RAD54L2: variants seen among roughly 807,000 people sequenced by gnomAD.
The protein encoded by RAD54L2 is helicase ARIP4.
In RAD54L2, 27 loss-of-function variants were observed where a neutral mutation model predicts 138.4. The ratio of observed to expected loss-of-function variants is 0.20; its 90% CI spans 0.14 to 0.27. The LOEUF (loss-of-function observed/expected upper bound fraction) is 0.27, where lower values mean the gene tolerates loss of function less well. Among genes scored for constraint, RAD54L2 ranks in the 10% least tolerant of loss-of-function variants. The pLI is 1.00. For synonymous variants in RAD54L2, 644 were observed against 723.2 expected, an observed-to-expected ratio of 0.89 and a Z score of 1.76; for missense variants, 1,396 against 1,890.2, an observed-to-expected ratio of 0.74 and a Z score of 4.85.
chr3:51,622,651 A>T (rs961482646), intron 3 of RAD54L2, among the ~76,000 whole-genome samples: 1 of 152,182 alleles, frequency 6.6e-6, no homozygotes, highest in Non-Finnish European at 1.5e-5. Flanking sequence ...TAATCACATT[A>T]GTCTCCCATG....
rs542975211 is a variant in RAD54L2, at chr3:51,607,829, G to A, written c.139+17270G>A. ...CAGAGGGGCTCCTCACCTCCCAGAC[G>A]GGGCGGCTGGGCAGAGGCGCCCCCC... On this transcript the variant is annotated intron_variant, in intron 3 of 22. Transcript: ENST00000684192. 4.9e-4 allele frequency among the ~76,000 whole-genome samples: 74 copies of A among 150,972 alleles called. 1 individual carries two copies. The highest frequency in any genetic ancestry group is 1.7e-3 in the African/African-American group (70 of 41,120).
At position 51,610,122 on chromosome 3, in the gene RAD54L2, C is replaced by T. The variant is rs1235503756; in HGVS notation, c.140-17431C>T. On this transcript the variant is annotated intron_variant, in intron 3 of 22. Coordinates refer to ENST00000684192, the MANE Select transcript of RAD54L2 (RefSeq NM_015106.4). ...CTGCACTCCAGCCTGGGCAACAGAG[C>T]GAGACTCCATCTCAAAATAAATACA... 3.3e-5 allele frequency among the ~76,000 whole-genome samples: 5 copies of T among 151,214 alleles called. No individual in the cohort carries two copies. In the South Asian group the frequency reaches 6.3e-4, roughly 19 times the overall value.
At position 51,666,880 on chromosome 3, in the gene RAD54L2, C is replaced by T. The variant is rs1470975493; in HGVS notation, c.*3460C>T. 6.6e-6 allele frequency: 1 copy of T among 152,090 alleles called. No individual in the cohort carries two copies. Among genetic ancestry groups the T allele is most frequent in the African/African-American group, 2.4e-5 (1 of 41,380 alleles). 9.4% of individuals were successfully genotyped at this position (152,090 alleles called of 1,614,324 possible). A position where few individuals can be genotyped will look rare whatever the true frequency, so the allele number is the denominator to read the frequency against. ...TTCCCTAGGAATTAGTGTGTGGAGT[C>T]TCTATATGCTTGTGATTCACAACTA... On this transcript the variant is annotated 3_prime_UTR_variant, in exon 23 of 23. Transcript: ENST00000684192.
intron 2 of RAD54L2, among the ~76,000 whole-genome samples, chr3:51,583,432 T>TA (rs1699650041): frequency 6.6e-6 from 1 of 151,504 alleles, no homozygotes; most frequent in South Asian, 2.1e-4. Context: ...TTTTTTTATT[T>TA]TTTTTTTTTT....
chr3:51,586,873 C>T (rs1269542981), intron 2 of RAD54L2, among the ~76,000 whole-genome samples: 4 of 151,600 alleles, frequency 2.6e-5, no homozygotes. Context: ...CTGGCCAAAA[C>T]ACTCTTATCT....
intron 2 of RAD54L2, among the ~76,000 whole-genome samples, chr3:51,559,192 A>G (rs1400077055): frequency 1.3e-5 from 2 of 152,138 alleles, no homozygotes; most frequent in African/African-American, 4.8e-5. Flanking sequence ...CTGGCCGACA[A>G]TAGCCCACTG....
Position 51,665,226 on chromosome 3 carries a change from C to T in RAD54L2, c.*1806C>T, listed in dbSNP as rs1030218369. On this transcript the variant is annotated 3_prime_UTR_variant, in exon 23 of 23. Coordinates refer to ENST00000684192, the MANE Select transcript of RAD54L2 (RefSeq NM_015106.4). Reference sequence around the variant, plus strand: ...GTTCTTTATGATGAACAAACTTTGGCTTTAGAGCTTTACCACTTACCCATG... The same window carrying T: ...GTTCTTTATGATGAACAAACTTTGGTTTTAGAGCTTTACCACTTACCCATG... 7.1e-6 allele frequency: 1 copy of T among 140,952 alleles called. No individual in the cohort carries two copies. The highest frequency in any genetic ancestry group is 1.5e-5 in the Non-Finnish European group (1 of 64,922). The allele number at this position is 140,952 out of a possible 1,614,324, so 8.7% of individuals were successfully genotyped here. A position where few individuals can be genotyped will look rare whatever the true frequency, so the allele number is the denominator to read the frequency against.
intron 2 of RAD54L2, among the ~76,000 whole-genome samples, chr3:51,580,496 T>C (rs531255548): frequency 6.6e-6 from 1 of 152,332 alleles, no homozygotes; most frequent in Admixed American, 6.5e-5. Flanking sequence ...AGTTCCACCC[T>C]GTAGTCCCTG....
At chr3:51,649,904 C>CT (rs1453340720) in intron 19 of RAD54L2, among the ~76,000 whole-genome samples, 1 of 152,100 alleles carries the variant, frequency 6.6e-6, no homozygotes, top group African/African-American at 2.4e-5. Context: ...CAGCAAACAT[C>CT]ATAATGATAG....
At position 51,660,012 on chromosome 3, in the gene RAD54L2, G is replaced by C. The variant is rs201797103; in HGVS notation, c.3317-14G>C. On this transcript the variant is annotated splice_polypyrimidine_tract_variant and intron_variant, in intron 21 of 22. Transcript: ENST00000684192. Reference sequence around the variant, plus strand: ...ATGTCTGCCTCTAACTGTCTTCTTCGTGTCTATTCTTAGGGACGTACATCC... The same window carrying C: ...ATGTCTGCCTCTAACTGTCTTCTTCCTGTCTATTCTTAGGGACGTACATCC... 2 of 1,561,196 alleles carry C rather than the reference G, an allele frequency of 1.3e-6. No individual in the cohort carries two copies. Among genetic ancestry groups the C allele is most frequent in the Admixed American group, 3.4e-5 (2 of 58,364 alleles).
chr3:51,541,168 AAC>A (rs1698539031), intron 1 of RAD54L2: 1 of 151,846 alleles, frequency 6.6e-6, no homozygotes, highest in African/African-American at 2.4e-5. Flanking sequence ...GATATTTTTT[AAC>A]ATTTTGTTAG....
At chr3:51,654,963 C>CT (rs1265542600) in intron 19 of RAD54L2, among the ~76,000 whole-genome samples, 2 of 152,130 alleles carry the variant, frequency 1.3e-5, no homozygotes, top group African/African-American at 4.8e-5. Flanking sequence ...ACCAGGGCCT[C>CT]TAACTCCTGC....
At position 51,637,234 on chromosome 3, in the gene RAD54L2, C is replaced by A; in HGVS notation, c.1413C>A (p.Cys471Ter). The change falls in exon 11 of 23, where the codon TGC becomes TGA. Residue 471 changes from cysteine (C) to a stop codon, truncating the protein, a stop_gained. Transcript: ENST00000684192. LOFTEE classifies it high-confidence loss of function. The surrounding 1 kb of genome is among the most constrained non-coding windows in gnomAD (Gnocchi z 5.9). ...ATGAGGGACACCGCATCAAAAACTG[C>A]CAGGCCAGCACCTCACAGGCTCTGA... is the stretch of plus-strand genomic sequence containing the variant. ...ICDEGHRIKN[C>*]QASTSQALKN... 6.3e-7 allele frequency: 1 copy of A among 1,597,044 alleles called. No homozygotes were observed. The highest frequency in any genetic ancestry group is 1.7e-5 in the Admixed American group (1 of 57,164).
intron 13 of RAD54L2, 27 bp downstream of exon 13, chr3:51,639,697 C>A (rs1443612176): frequency 6.2e-7 from 1 of 1,610,698 alleles, no homozygotes; most frequent in African/African-American, 1.3e-5. Context: ...CTTCAGGAAC[C>A]ATAAACTATT....
At chr3:51,550,616 C>T (rs989493332) in intron 2 of RAD54L2, among the ~76,000 whole-genome samples, 32 of 152,098 alleles carry the variant, frequency 2.1e-4, no homozygotes, top group African/African-American at 7.0e-4. Flanking sequence ...TGGTGCGCCC[C>T]TGTTTTCCCA....
intron 2 of RAD54L2, among the ~76,000 whole-genome samples, chr3:51,543,352 T>TA (rs1452018104): frequency 2.6e-5 from 4 of 152,250 alleles, no homozygotes; most frequent in Non-Finnish European, 5.9e-5. Flanking sequence ...CTCACGCCTG[T>TA]AATGCCAGCA....
At position 51,565,978 on chromosome 3, in the gene RAD54L2, G is replaced by A. The variant is rs184500438; in HGVS notation, c.-55+24328G>A. Among the ~76,000 whole-genome samples the A allele has an allele frequency of 4.5e-3, 690 of 151,700 alleles. 4 individuals are homozygous for A. Among genetic ancestry groups the A allele is most frequent in the African/African-American group, 0.016 (661 of 41,368 alleles). On this transcript the variant is annotated intron_variant, in intron 2 of 22. Transcript: ENST00000684192. ...CAAGTAGCTGGGACTACAGGCGCCCGCCACCATGTCTGGCTAATTTTTTGT... is the reference window on the plus strand; with the variant it reads ...CAAGTAGCTGGGACTACAGGCGCCCACCACCATGTCTGGCTAATTTTTTGT...
chr3:51,593,579 G>A (rs112845566), intron 3 of RAD54L2, among the ~76,000 whole-genome samples: 2,385 of 152,164 alleles, frequency 0.016, 54 homozygotes, highest in African/African-American at 0.054. Context: ...TGATCCGTCC[G>A]TCTCGGCCTC....
intron 2 of RAD54L2, among the ~76,000 whole-genome samples, chr3:51,549,145 C>G (rs1698773600): frequency 1.3e-5 from 2 of 152,220 alleles, no homozygotes; most frequent in South Asian, 2.1e-4. Context: ...AGGCGCCCAC[C>G]ACCACGCCCA....
Sources: gnomAD v4.1 joint callset for allele counts (sites outside exome capture counted in the v4.1 genomes callset) on GRCh38, gnomAD v4.1.1 for gene constraint, Gnocchi (gnomAD v3.1) non-coding constraint, MANE v1.5 for transcripts, NCBI Gene and HGNC (gene_info 2026-07-23, HGNC 2026-07-21) for gene names.